NDRG4: variants seen among roughly 807,000 people sequenced by gnomAD.
The protein encoded by NDRG4 is NDRG family member 4.
A neutral mutation model predicts 55.8 loss-of-function variants in NDRG4; 38 were observed. The observed-to-expected ratio is 0.68, with a 90% confidence interval of 0.53 to 0.89. NDRG4 has a LOEUF of 0.89. NDRG4 is among the 40% of genes least tolerant of loss of function. The probability of loss-of-function intolerance (pLI) is 0.00; values close to 1 mark genes in which losing one functional copy is unlikely to be tolerated. For synonymous variants in NDRG4, 190 were observed against 182.7 expected, an observed-to-expected ratio of 1.04 and a Z score of -0.32; for missense variants, 455 against 468.6, an observed-to-expected ratio of 0.97 and a Z score of 0.27.
At chr16:58,492,091 CT>C (rs2035852059) in intron 2 of NDRG4, among the ~76,000 whole-genome samples, 1 of 152,224 alleles carries the variant, frequency 6.6e-6, no homozygotes, top group Non-Finnish European at 1.5e-5. Flanking sequence ...ACCCTGTTCA[CT>C]TTTTAAATGT....
At chr16:58,487,842 A>G in exon 2 of NDRG4, 3 of 1,539,406 alleles carry the variant, frequency 1.9e-6, no homozygotes, top group South Asian at 1.2e-5. Flanking sequence ...CCAGGACGCC[A>G]CCGAGCTGGT....
chr16:58,494,000 C>T (rs1187732742), intron 2 of NDRG4, among the ~76,000 whole-genome samples: 1 of 152,178 alleles, frequency 6.6e-6, no homozygotes, highest in Non-Finnish European at 1.5e-5. Context: ...GGGGTTCCAG[C>T]CCCCGCTCCT....
chr16:58,486,926 C>A (rs1383860498), intron 1 of NDRG4, among the ~76,000 whole-genome samples: 1 of 152,072 alleles, frequency 6.6e-6, no homozygotes, highest in Non-Finnish European at 1.5e-5. Flanking sequence ...GCCTGCCACA[C>A]CACCAGGGCC....
chr16:58,479,273 CTGTT>C (rs1337681554), intron 1 of NDRG4, among the ~76,000 whole-genome samples: 6 of 152,248 alleles, frequency 3.9e-5, no homozygotes, highest in African/African-American at 9.6e-5. Context: ...CTTTCCCACT[CTGTT>C]TGAGTGGAGC....
chr16:58,474,408 G>A lies in NDRG4; in HGVS notation c.-24+10611G>A, dbSNP rs558970422. Among the ~76,000 whole-genome samples, 13 of 152,244 alleles carry A rather than the reference G, an allele frequency of 8.5e-5. No individual in the cohort carries two copies. The South Asian group carries it at 1.9e-3, about 22-fold the overall frequency. On this transcript the variant is annotated intron_variant, in intron 1 of 15. Transcript: ENST00000258187. Reference sequence around the variant, plus strand: ...CAGGCGCCTGCCTCCTGGCCTTTGCGCTTGCTGTTCCCCCTGCCCTGAGTG... The same window carrying A: ...CAGGCGCCTGCCTCCTGGCCTTTGCACTTGCTGTTCCCCCTGCCCTGAGTG...
chr16:58,510,844 C>T, intron 14 of NDRG4, 161 bp downstream of exon 14: 1 of 704,324 alleles, frequency 1.4e-6, no homozygotes, highest in East Asian at 2.7e-5. Flanking sequence ...TGCTTTTCTG[C>T]AGGCTTGGCC....
downstream of NDRG4, among the ~76,000 whole-genome samples, chr16:58,514,739 A>G (rs1482978719): frequency 4.6e-5 from 5 of 109,318 alleles, no homozygotes; most frequent in East Asian, 3.1e-4. Context: ...CGTCTCCCCA[A>G]CGCGCCAAAA....
chr16:58,464,322 C>T lies in NDRG4; in HGVS notation c.-24+525C>T. On this transcript the variant is annotated intron_variant, in intron 1 of 15. Transcript: ENST00000258187. This position sits in a 1 kb window ranked among gnomAD's most constrained non-coding sequence, Gnocchi z 4.8. ...GTGAGCTGCTCCTGCCGCTTCGCTC[C>T]GCGCTCTCCTGCCGCTCCGCTCCGG... 4.0e-6 allele frequency: 4 copies of T among 995,622 alleles called. No homozygotes were observed. The highest frequency in any genetic ancestry group is 2.5e-5 in the South Asian group (1 of 39,282). 61.7% of individuals were successfully genotyped at this position (995,622 alleles called of 1,614,324 possible). A position where few individuals can be genotyped will look rare whatever the true frequency, so the allele number is the denominator to read the frequency against.
intron 1 of NDRG4, among the ~76,000 whole-genome samples, chr16:58,481,979 G>T (rs1041860406): frequency 6.6e-6 from 1 of 152,112 alleles, no homozygotes; most frequent in African/African-American, 2.4e-5. Flanking sequence ...ACCAGGCACT[G>T]GTGTAGCGTC....
In NDRG4 at chr16:58,510,632, T is replaced by A. The variant is rs1162730301; in HGVS notation, c.866-13T>A. On this transcript the variant is annotated splice_polypyrimidine_tract_variant and intron_variant, in intron 13 of 14. Coordinates refer to ENST00000570248, the MANE Select transcript of NDRG4 (RefSeq NM_001242835.2). ...CATCCCCGCCCCCTCTCCGGCTCTG[T>A]CTTCTCTCTTAGTTGCGTACTTGAA... 7 of 1,534,966 alleles carry A rather than the reference T, an allele frequency of 4.6e-6. No individual in the cohort carries two copies. In the Admixed American group the frequency reaches 1.2e-4, roughly 26 times the overall value.
At chr16:58,489,379 C>T (rs545848799) in intron 2 of NDRG4, among the ~76,000 whole-genome samples, 38 of 152,032 alleles carry the variant, frequency 2.5e-4, no homozygotes, top group South Asian at 2.1e-3. Flanking sequence ...CCAGCTCCCC[C>T]GCCTGTTCCC....
intron 2 of NDRG4, among the ~76,000 whole-genome samples, chr16:58,491,887 T>G (rs2035826300): frequency 6.6e-6 from 1 of 152,186 alleles, no homozygotes; most frequent in African/African-American, 2.4e-5. Context: ...GCTCAAGTGA[T>G]CCTCCTACTT....
At chr16:58,509,216 A>C in intron 12 of NDRG4, 27 bp downstream of exon 12, 1 of 1,613,930 alleles carries the variant, frequency 6.2e-7, no homozygotes, top group South Asian at 1.1e-5. Flanking sequence ...TCCTGCCCTT[A>C]CATCTATGGG....
At chr16:58,500,500 G>A (rs1339117939) in intron 1 of NDRG4, 1 of 564,938 alleles carries the variant, frequency 1.8e-6, no homozygotes, top group Admixed American at 3.4e-5. Context: ...GCAGGGGCTG[G>A]GGGGAGCGTG....
At chr16:58,477,142 GTGTGATATATATATA>G (rs929498463) in intron 1 of NDRG4, among the ~76,000 whole-genome samples, 6 of 150,978 alleles carry the variant, frequency 4.0e-5, no homozygotes, top group Admixed American at 6.6e-5. Context: ...ATATATATAT[GTGTGATATATATATA>G]TGTGATATAT....
At chr16:58,495,520 C>T (rs576068084), upstream of NDRG4, 30 of 157,384 alleles carry the variant, frequency 1.9e-4, no homozygotes, top group Non-Finnish European at 3.3e-4. Flanking sequence ...CTGGCCATCC[C>T]GACATGCTGA....
chr16:58,471,614 C>A (rs376342741), intron 1 of NDRG4, among the ~76,000 whole-genome samples: 1 of 152,194 alleles, frequency 6.6e-6, no homozygotes, highest in Admixed American at 6.5e-5. Context: ...TACACCACCC[C>A]CTCCCTGCCT....
chr16:58,501,846 ACCCCTCAGG>A, intron 1 of NDRG4: 1 of 388,846 alleles, frequency 2.6e-6, no homozygotes, highest in Non-Finnish European at 5.3e-6. Context: ...CACCCCTCAC[ACCCCTCAGG>A]CGGACCCGCA....
At chr16:58,501,612 G>A (rs1216213146) in intron 1 of NDRG4, 1 of 199,278 alleles carries the variant, frequency 5.0e-6, no homozygotes, top group Non-Finnish European at 1.1e-5. Context: ...CTCCGCAGAG[G>A]GTGAGAGAAG....
Sources: gnomAD v4.1 joint callset for allele counts (sites outside exome capture counted in the v4.1 genomes callset) on GRCh38, gnomAD v4.1.1 for gene constraint, Gnocchi (gnomAD v3.1) non-coding constraint, MANE v1.5 for transcripts, NCBI Gene and HGNC (gene_info 2026-07-23, HGNC 2026-07-21) for gene names.